The following TG variants were observed in gnomAD, a reference collection of about 807,000 sequenced individuals.
TG encodes thyroglobulin.
Under a neutral mutation model 324.7 loss-of-function variants are expected in TG, and 270 were observed. That is an observed-to-expected ratio of 0.83 (90% confidence interval 0.75 to 0.92). The LOEUF (loss-of-function observed/expected upper bound fraction) is 0.92. Ranked by LOEUF, TG falls within the 40% of genes least tolerant of loss-of-function variation. The probability of loss-of-function intolerance (pLI) is 0.00; values close to 1 mark genes in which losing one functional copy is unlikely to be tolerated. For missense variants in TG, 3,591 were observed against 3,456.4 expected, an observed-to-expected ratio of 1.04 and a Z score of -0.98; for synonymous variants, 1,401 against 1,327.0, an observed-to-expected ratio of 1.06 and a Z score of -1.21.
Position 133,133,533 on chromosome 8 carries a change from C to T in TG, c.8061C>T (p.Asp2687=), listed in dbSNP as rs530272451. 1.2e-5 allele frequency: 20 copies of T among 1,614,108 alleles called. No individual in the cohort carries two copies. The highest frequency in any genetic ancestry group is 2.7e-5 in the African/African-American group (2 of 74,940). The change falls in exon 47 of 48, where the codon GAC becomes GAT. Residue 2687 remains aspartate, a synonymous_variant. Coordinates refer to ENST00000220616, the MANE Select transcript of TG (RefSeq NM_003235.5). The stretch of plus-strand genomic sequence containing the variant: ...CCACATTTGCAACCCCCTGGCCTGA[C>T]TTTGTACCCCGTGCTGGTGGAGAGA... ...KVPTFATPWP[D]FVPRAGGENY... is the part of the protein sequence containing the mutation.
intron 43 of TG, among the ~76,000 whole-genome samples, chr8:133,107,768 C>A (rs1849927009): frequency 1.3e-5 from 2 of 152,208 alleles, no homozygotes; most frequent in Admixed American, 1.3e-4. Context: ...ACTCTAATCT[C>A]AGTCTCATGG....
Position 132,963,086 on chromosome 8 carries a change from C to G in TG, c.5548+12C>G. The G allele has an allele frequency of 6.2e-7, 1 of 1,613,756 alleles. No individual in the cohort carries two copies. ...TCCAACAGAAGCAGGTACTGACCCCCAAACCTTCTTACACACTTGGGTGTC... is the reference window on the plus strand; with the variant it reads ...TCCAACAGAAGCAGGTACTGACCCCGAAACCTTCTTACACACTTGGGTGTC... On this transcript the variant is annotated intron_variant, in intron 29 of 47. Coordinates refer to ENST00000220616, the MANE Select transcript of TG (RefSeq NM_003235.5).
chr8:133,072,447 T>C (rs540207913), intron 41 of TG, among the ~76,000 whole-genome samples: 1 of 152,142 alleles, frequency 6.6e-6, no homozygotes, highest in Non-Finnish European at 1.5e-5. Flanking sequence ...GATGGATAGA[T>C]GGATAGATAG....
intron 16 of TG, among the ~76,000 whole-genome samples, chr8:132,905,854 A>T (rs1818598219): frequency 6.6e-6 from 1 of 152,134 alleles, no homozygotes; most frequent in South Asian, 2.1e-4. Flanking sequence ...GAACGTGTTG[A>T]GTTGATATTT....
At chr8:133,087,320 GTA>G (rs1183057373) in intron 41 of TG, among the ~76,000 whole-genome samples, 1 of 152,206 alleles carries the variant, frequency 6.6e-6, no homozygotes, top group Non-Finnish European at 1.5e-5. Flanking sequence ...ATGTAGAGCA[GTA>G]TATGACAGCC....
intron 29 of TG, among the ~76,000 whole-genome samples, chr8:132,965,886 G>A (rs1241080911): frequency 1.3e-5 from 2 of 152,214 alleles, no homozygotes; most frequent in African/African-American, 4.8e-5. Context: ...TGCAAGTAGA[G>A]CCCAGATTAA....
intron 27 of TG, 111 bp downstream of exon 27, chr8:132,949,054 GAAAA>G: frequency 2.0e-5 from 14 of 711,974 alleles, no homozygotes; most frequent in Non-Finnish European, 3.0e-5. Context: ...TTATACTTCT[GAAAA>G]AAAAAAAAAA....
intron 27 of TG, among the ~76,000 whole-genome samples, chr8:132,960,227 A>G (rs1306135400): frequency 6.6e-6 from 1 of 152,258 alleles, no homozygotes; most frequent in Non-Finnish European, 1.5e-5. Context: ...AAATAAAGGT[A>G]TAAAAAGACT....
chr8:132,872,534 A>G (rs1839591560), intron 4 of TG, among the ~76,000 whole-genome samples: 2 of 151,926 alleles, frequency 1.3e-5, no homozygotes, highest in Admixed American at 1.3e-4. Context: ...CTTATTACTG[A>G]AGAGAGAGAA....
At position 133,045,387 on chromosome 8, in the gene TG, CTTTTTTTTTT is replaced by C. The variant is rs5895172; in HGVS notation, c.7239+15380_7239+15389del. Among the ~76,000 whole-genome samples, 3 of 65,900 alleles carry C rather than the reference CTTTTTTTTTT, an allele frequency of 4.6e-5. No homozygotes were observed. In the South Asian group the frequency reaches 2.4e-3, roughly 52 times the overall value. 43.2% of individuals were successfully genotyped at this position (65,900 alleles called of 152,430 possible). The stretch of plus-strand genomic sequence containing the variant: ...AGGAACACAGGTTTCATCCTCTTTG[CTTTTTTTTTT>C]TTTTTTTTTTTTTTTGAGTCTGGGT... On this transcript the variant is annotated intron_variant, in intron 41 of 47. Transcript: ENST00000220616.
rs186519521 is a variant in TG, at chr8:133,011,962, G to A, written c.6324G>A (p.Arg2108=). Residue 2108 remains arginine, a synonymous_variant, in exon 36 of 48, where the codon AGG becomes AGA. Coordinates refer to ENST00000220616, the MANE Select transcript of TG (RefSeq NM_003235.5). ...CAGTGGTTGTTGATCCATCCATTAG[G>A]CACTTTGATGTTGCCCATGTCAGCA... ...LSSVVVDPSI[R]HFDVAHVSTA... is the part of the protein sequence containing the mutation. The A allele has an allele frequency of 1.9e-4, 309 of 1,614,154 alleles. 3 individuals carry two copies. In the Admixed American group the frequency reaches 4.9e-3, roughly 26 times the overall value.
At chr8:133,037,903 C>G (rs968169793) in intron 41 of TG, 2 of 152,440 alleles carry the variant, frequency 1.3e-5, no homozygotes, top group African/African-American at 4.8e-5. Flanking sequence ...CTGACTTCCA[C>G]CCATATGGCT....
At chr8:133,027,413 C>T (rs1412610265) in intron 40 of TG, among the ~76,000 whole-genome samples, 1 of 152,144 alleles carries the variant, frequency 6.6e-6, no homozygotes, top group Non-Finnish European at 1.5e-5. Context: ...TGGGCCCAAG[C>T]CTCAAAGCAC....
chr8:133,107,668 T>C (rs1323277421), intron 43 of TG, among the ~76,000 whole-genome samples: 5 of 152,338 alleles, frequency 3.3e-5, no homozygotes, highest in East Asian at 3.9e-4. Flanking sequence ...CTCCCACTAT[T>C]TGGGAGACAA....
chr8:132,902,907 C>T (rs559987145), intron 16 of TG, among the ~76,000 whole-genome samples: 1 of 152,258 alleles, frequency 6.6e-6, no homozygotes, highest in South Asian at 2.1e-4. Flanking sequence ...TTTTCACATC[C>T]CTTATCCCAT....
chr8:133,132,023 C>T, intron 46 of TG, 77 bp downstream of exon 46: 1 of 1,583,518 alleles, frequency 6.3e-7, no homozygotes, highest in Admixed American at 1.7e-5. Context: ...CGCAAAGGCC[C>T]AATTTGCATC....
At chr8:132,972,205 G>C (rs987847786) in intron 33 of TG, 2 of 451,726 alleles carry the variant, frequency 4.4e-6, no homozygotes, top group Non-Finnish European at 8.1e-6. Flanking sequence ...TTAATGCTTG[G>C]TTGATTCCCT....
Position 132,893,998 on chromosome 8 carries a change from C to T in TG, c.3001+69C>T, listed in dbSNP as rs1005314923. ...AAAGCAGGAGCTTAAATTCGTCTCT[C>T]CTCAGTCATCCTTAGGACTTTGTGG... On this transcript the variant is annotated intron_variant, in intron 11 of 47. Coordinates refer to ENST00000220616, the MANE Select transcript of TG (RefSeq NM_003235.5). 19 of 1,611,376 alleles carry T rather than the reference C, an allele frequency of 1.2e-5. No individual in the cohort carries two copies. In the South Asian group the frequency reaches 1.8e-4, roughly 15 times the overall value.
At chr8:133,031,846 C>T (rs1324502481) in intron 41 of TG, among the ~76,000 whole-genome samples, 1 of 152,202 alleles carries the variant, frequency 6.6e-6, no homozygotes, top group African/African-American at 2.4e-5. Context: ...TCCCCATCCC[C>T]CTCTTTGCCT....
Sources: allele counts gnomAD v4.1 joint callset (sites outside exome capture counted in the v4.1 genomes callset), GRCh38; gene constraint gnomAD v4.1.1; transcripts MANE v1.5; gene names NCBI Gene and HGNC (gene_info 2026-07-23, HGNC 2026-07-21).